GRHL2: variants seen among roughly 807,000 people sequenced by gnomAD.
GRHL2 encodes grainyhead-like protein 2 homolog.
A neutral mutation model predicts 83.8 loss-of-function variants in GRHL2; 21 were observed. The ratio of observed to expected loss-of-function variants is 0.25; its 90% CI spans 0.18 to 0.36. The LOEUF (loss-of-function observed/expected upper bound fraction) is 0.36. Ranked by LOEUF, GRHL2 falls within the 10% of genes least tolerant of loss-of-function variation. GRHL2 has a pLI of 1.00. For synonymous variants in GRHL2, 280 were observed against 278.9 expected (o/e 1.00, Z -0.04); for missense variants, 623 against 781.8 (o/e 0.80, Z 2.42).
chr8:101,587,751 A>AC lies in GRHL2; in HGVS notation c.1003+10234dup, dbSNP rs763057700. 9.2e-5 allele frequency among the ~76,000 whole-genome samples: 14 copies of AC among 151,870 alleles called. 1 individual carries two copies. Among genetic ancestry groups the AC allele is most frequent in the Admixed American group, 5.2e-4 (8 of 15,256 alleles). ...TTGGCTTAAAAATGACCAAAAAAAA[A>AC]CCTAGAGATACAATTAGATAGTTCA... On this transcript the variant is annotated intron_variant, in intron 7 of 15. Coordinates refer to ENST00000646743, the MANE Select transcript of GRHL2 (RefSeq NM_024915.4).
chr8:101,504,374 CAT>C (rs1359224109), intron 1 of GRHL2, among the ~76,000 whole-genome samples: 2 of 152,196 alleles, frequency 1.3e-5, no homozygotes, highest in Non-Finnish European at 2.9e-5. Context: ...AAGTTTCCAA[CAT>C]GTGTATAATT....
chr8:101,640,202 T>A (rs2129650351), intron 12 of GRHL2, among the ~76,000 whole-genome samples: 1 of 152,328 alleles, frequency 6.6e-6, no homozygotes, highest in Admixed American at 6.5e-5. Flanking sequence ...AAAATAACAA[T>A]CTTTTAGAGT....
intron 2 of GRHL2, 58 bp from the exon 3 acceptor site, chr8:101,552,657 T>A: frequency 2.0e-6 from 3 of 1,532,116 alleles, no homozygotes; most frequent in Non-Finnish European, 2.7e-6. Flanking sequence ...TGTCCAGCTC[T>A]GAACATGGTC....
At chr8:101,679,642 A>C in the GRHL2 span, among the ~76,000 whole-genome samples, 7 of 151,552 alleles carry the variant, frequency 4.6e-5, no homozygotes, top group African/African-American at 9.8e-5. Flanking sequence ...CCAAAGTTGA[A>C]ATGAAGGAAA....
chr8:101,610,578 C>A (rs958906311), intron 8 of GRHL2, among the ~76,000 whole-genome samples: 1 of 150,682 alleles, frequency 6.6e-6, no homozygotes, highest in Non-Finnish European at 1.5e-5. Flanking sequence ...AAAATTCTTT[C>A]GATTTTCATG....
intron 2 of GRHL2, among the ~76,000 whole-genome samples, chr8:101,551,069 A>G (rs11780071): frequency 0.11 from 16,437 of 152,114 alleles, 1,166 homozygotes; most frequent in African/African-American, 0.19. Context: ...CAATGAACAC[A>G]GGTGTGTTGA....
Position 101,599,040 on chromosome 8 carries a change from T to G in GRHL2, c.1004-17T>G. The stretch of plus-strand genomic sequence containing the variant: ...CTCTTACTCCTTTAAAAGCTTGTTC[T>G]TTTTTTAATGTTACAGCCGATTACA... On this transcript the variant is annotated splice_polypyrimidine_tract_variant and intron_variant, in intron 7 of 15. Transcript: ENST00000646743. 1 of 1,573,124 alleles carries G rather than the reference T, an allele frequency of 6.4e-7. No individual in the cohort carries two copies.
At chr8:101,542,888 C>A in intron 1 of GRHL2, 1 of 459,846 alleles carries the variant, frequency 2.2e-6, no homozygotes. Flanking sequence ...TTGATCCATT[C>A]ATGACCTAAA....
At chr8:101,657,875 A>T (rs1445087187) in intron 14 of GRHL2, among the ~76,000 whole-genome samples, 1 of 151,990 alleles carries the variant, frequency 6.6e-6, no homozygotes, top group Non-Finnish European at 1.5e-5. Context: ...AAACACAAAG[A>T]AAAAAACCCA....
downstream of GRHL2, among the ~76,000 whole-genome samples, chr8:101,673,036 A>G (rs575137166): frequency 1.6e-4 from 24 of 151,028 alleles, no homozygotes; most frequent in East Asian, 3.1e-3. Context: ...CCTGCCCTAA[A>G]AGAGCTCCTG....
intron 2 of GRHL2, among the ~76,000 whole-genome samples, chr8:101,551,944 T>A (rs1811388608): frequency 6.6e-6 from 1 of 151,572 alleles, no homozygotes; most frequent in South Asian, 2.1e-4. Context: ...CACGCCATTC[T>A]CTGGCCTCAG....
intron 1 of GRHL2, among the ~76,000 whole-genome samples, chr8:101,516,434 A>G (rs1302678191): frequency 5.2e-3 from 319 of 60,870 alleles, no homozygotes; most frequent in African/African-American, 0.019. Context: ...TTTTTTTTTG[A>G]GACAGGGTCT....
intron 12 of GRHL2, among the ~76,000 whole-genome samples, chr8:101,643,496 G>A (rs181788179): frequency 1.3e-4 from 20 of 152,216 alleles, no homozygotes; most frequent in Admixed American, 1.2e-3. Context: ...GACATGCAAG[G>A]CCTCAGCACC....
intron 7 of GRHL2, among the ~76,000 whole-genome samples, chr8:101,580,668 A>C (rs1230180127): frequency 6.6e-6 from 1 of 152,132 alleles, no homozygotes; most frequent in East Asian, 1.9e-4. Flanking sequence ...AGAATGCCAA[A>C]ATGTGCACCA....
intron 10 of GRHL2, 89 bp from the exon 11 acceptor site, chr8:101,632,137 T>C (rs189151345): frequency 3.6e-5 from 50 of 1,390,786 alleles, no homozygotes; most frequent in Admixed American, 2.7e-4. Context: ...AAGCTTCATA[T>C]GAGAAAATCG....
chr8:101,567,791 G>A (rs1563584459), intron 4 of GRHL2, among the ~76,000 whole-genome samples: 1 of 152,176 alleles, frequency 6.6e-6, no homozygotes, highest in South Asian at 2.1e-4. Flanking sequence ...CCATCTGGGG[G>A]ATTAGAACCA....
chr8:101,532,559 G>A (rs1422100581), intron 1 of GRHL2, among the ~76,000 whole-genome samples: 1 of 152,100 alleles, frequency 6.6e-6, no homozygotes, highest in East Asian at 1.9e-4. Context: ...AGACTAGCCT[G>A]ACCAACATGG....
rs1812753532 is a variant in GRHL2, at chr8:101,611,699, C to T, written c.1099-7840C>T. ...ATAGCTTGGATGTCGGAGGCTGTGG[C>T]CACAGCTCTATCTGCCTTGGCCTCA... On this transcript the variant is annotated intron_variant, in intron 8 of 15. Coordinates refer to ENST00000646743, the MANE Select transcript of GRHL2 (RefSeq NM_024915.4). Among the ~76,000 whole-genome samples the T allele has an allele frequency of 1.3e-5, 2 of 150,806 alleles. 1 individual carries two copies. The highest frequency in any genetic ancestry group is 1.3e-4 in the Admixed American group (2 of 15,204).
At chr8:101,605,275 C>G (rs1290097375) in intron 8 of GRHL2, among the ~76,000 whole-genome samples, 1 of 152,178 alleles carries the variant, frequency 6.6e-6, no homozygotes, top group East Asian at 1.9e-4. Flanking sequence ...CTTTTAGATT[C>G]TGATTCCACT....
Sources: allele counts gnomAD v4.1 joint callset (sites outside exome capture counted in the v4.1 genomes callset), GRCh38; gene constraint gnomAD v4.1.1; transcripts MANE v1.5; gene names NCBI Gene and HGNC (gene_info 2026-07-23, HGNC 2026-07-21).